Variants in MACROD2 observed in about 807,000 individuals in gnomAD.
MACROD2 encodes ADP-ribose glycohydrolase MACROD2.
MACROD2 carries 36 observed loss-of-function variants against 70.4 expected under a neutral mutation model. The ratio of observed to expected loss-of-function variants is 0.51; its 90% CI spans 0.39 to 0.68. MACROD2 has a LOEUF of 0.68. MACROD2 is among the 30% of genes least tolerant of loss of function. MACROD2 has a pLI of 0.00. For missense variants in MACROD2, 496 were observed against 538.4 expected (o/e 0.92, Z 0.78); for synonymous variants, 172 against 178.8 (o/e 0.96, Z 0.30).
At chr20:15,103,855 G>C (rs896933674) in intron 5 of MACROD2, among the ~76,000 whole-genome samples, 97 of 152,214 alleles carry the variant, frequency 6.4e-4, no homozygotes, top group African/African-American at 2.3e-3. Context: ...GGGAATCCAG[G>C]AAGAGCAAAT....
intron 8 of MACROD2, among the ~76,000 whole-genome samples, chr20:15,794,116 T>G (rs1408363902): frequency 2.0e-5 from 3 of 151,950 alleles, no homozygotes; most frequent in Non-Finnish European, 4.4e-5. Context: ...CTGTCTTATT[T>G]GTATTTCTGT....
chr20:14,803,761 G>T (rs574972234), intron 5 of MACROD2, among the ~76,000 whole-genome samples: 2 of 152,058 alleles, frequency 1.3e-5, no homozygotes, highest in Non-Finnish European at 2.9e-5. Flanking sequence ...GATTACAGGC[G>T]TGAGCCACGG....
chr20:15,036,964 CTT>C (rs1277526792), intron 5 of MACROD2, among the ~76,000 whole-genome samples: 10 of 151,490 alleles, frequency 6.6e-5, no homozygotes, highest in Middle Eastern at 3.4e-3. Context: ...ATAAAATAAT[CTT>C]TATGTGTTCT....
At chr20:15,346,410 C>G (rs1283198170) in intron 6 of MACROD2, among the ~76,000 whole-genome samples, 1 of 152,104 alleles carries the variant, frequency 6.6e-6, no homozygotes, top group Non-Finnish European at 1.5e-5. Context: ...ACTGAGGGAT[C>G]AGGAAAGAGG....
chr20:15,599,542 T>C (rs1383528496), intron 8 of MACROD2, among the ~76,000 whole-genome samples: 1 of 152,200 alleles, frequency 6.6e-6, no homozygotes, highest in African/African-American at 2.4e-5. Context: ...CGTGTGGTCT[T>C]GGACAAGCCA....
intron 2 of MACROD2, among the ~76,000 whole-genome samples, chr20:14,024,724 A>T (rs2053135191): frequency 6.6e-6 from 1 of 152,196 alleles, no homozygotes; most frequent in Non-Finnish European, 1.5e-5. Flanking sequence ...GATGAAGCTA[A>T]CTTGATCGTG....
At chr20:15,890,968 G>A (rs1000523702) in intron 10 of MACROD2, among the ~76,000 whole-genome samples, 7 of 152,116 alleles carry the variant, frequency 4.6e-5, no homozygotes, top group Admixed American at 6.6e-5. Context: ...ATACAAGAGG[G>A]ATTAGGAAAG....
At chr20:15,380,860 T>G (rs1164826777) in intron 6 of MACROD2, among the ~76,000 whole-genome samples, 1 of 152,164 alleles carries the variant, frequency 6.6e-6, no homozygotes, top group Admixed American at 6.5e-5. Flanking sequence ...CAAAGAAATA[T>G]TCTAGTATTC....
intron 6 of MACROD2, among the ~76,000 whole-genome samples, chr20:15,250,179 C>G (rs1265614092): frequency 6.6e-6 from 1 of 152,098 alleles, no homozygotes; most frequent in Admixed American, 6.6e-5. Context: ...CCTCACCTCC[C>G]CACCACCTTC....
At chr20:15,672,890 A>T (rs1056970663) in intron 8 of MACROD2, among the ~76,000 whole-genome samples, 1 of 152,130 alleles carries the variant, frequency 6.6e-6, no homozygotes, top group Admixed American at 6.5e-5. Context: ...GGTCTTTGCC[A>T]TGCTGTTCTT....
chr20:14,119,056 C>T (rs1014750910), intron 3 of MACROD2, among the ~76,000 whole-genome samples: 1 of 151,468 alleles, frequency 6.6e-6, no homozygotes, highest in African/African-American at 2.4e-5. Flanking sequence ...CCATGTTGGC[C>T]AGGCTGGTCT....
chr20:15,768,216 T>G (rs1330146126), intron 8 of MACROD2, among the ~76,000 whole-genome samples: 2 of 152,020 alleles, frequency 1.3e-5, no homozygotes, highest in East Asian at 3.9e-4. Flanking sequence ...GTTATGCAGT[T>G]TCATCATTGC....
intron 8 of MACROD2, among the ~76,000 whole-genome samples, chr20:15,636,624 G>A (rs2049373810): frequency 6.6e-6 from 1 of 152,072 alleles, no homozygotes; most frequent in Admixed American, 6.6e-5. Flanking sequence ...TCATTAGCTG[G>A]GTTTTTCAGG....
chr20:15,878,370 C>T (rs759432479), intron 9 of MACROD2, among the ~76,000 whole-genome samples: 6 of 152,086 alleles, frequency 3.9e-5, no homozygotes, highest in Non-Finnish European at 8.8e-5. Context: ...TCTCAAACTT[C>T]AGTGTGCATG....
chr20:14,316,864 A>C (rs975055127), intron 3 of MACROD2, among the ~76,000 whole-genome samples: 1 of 152,082 alleles, frequency 6.6e-6, no homozygotes, highest in African/African-American at 2.4e-5. Flanking sequence ...CCTTATTACA[A>C]TTGAAATCTG....
intron 3 of MACROD2, among the ~76,000 whole-genome samples, chr20:14,470,148 T>C (rs2084510433): frequency 6.6e-6 from 1 of 152,140 alleles, no homozygotes; most frequent in Non-Finnish European, 1.5e-5. Context: ...TTCATGCTAT[T>C]CCTTTCTGTT....
intron 6 of MACROD2, among the ~76,000 whole-genome samples, chr20:15,369,617 T>G (rs1289603903): frequency 2.6e-5 from 4 of 152,178 alleles, no homozygotes; most frequent in Non-Finnish European, 5.9e-5. Context: ...TGAGATTACA[T>G]AGCTACAAAA....
intron 5 of MACROD2, among the ~76,000 whole-genome samples, chr20:14,687,804 C>G (rs145264782): frequency 9.9e-4 from 151 of 152,254 alleles, no homozygotes; most frequent in Middle Eastern, 6.8e-3. Context: ...CTAGGTCTTG[C>G]TTCTTCCTAT....
intron 6 of MACROD2, among the ~76,000 whole-genome samples, chr20:15,304,725 G>A (rs555694684): frequency 6.6e-6 from 1 of 150,912 alleles, no homozygotes; most frequent in African/African-American, 2.5e-5. Flanking sequence ...TTACGTGCCT[G>A]CCTTATCTAA....
Sources: allele counts gnomAD v4.1 joint callset (sites outside exome capture counted in the v4.1 genomes callset), GRCh38; gene constraint gnomAD v4.1.1; transcripts MANE v1.5; gene names NCBI Gene and HGNC (gene_info 2026-07-23, HGNC 2026-07-21).